Variants in CTTNBP2 observed in about 807,000 individuals in gnomAD.
CTTNBP2 encodes cortactin-binding protein 2.
CTTNBP2 carries 108 observed loss-of-function variants against 156.9 expected under a neutral mutation model. The observed-to-expected ratio is 0.69, with a 90% confidence interval of 0.59 to 0.81. The LOEUF (loss-of-function observed/expected upper bound fraction) is 0.81. Among genes scored for constraint, CTTNBP2 ranks in the 30% least tolerant of loss-of-function variants. The probability of loss-of-function intolerance (pLI) is 0.00; values close to 1 mark genes in which losing one functional copy is unlikely to be tolerated. For missense variants in CTTNBP2, 1,924 were observed against 2,035.4 expected, an observed-to-expected ratio of 0.95 and a Z score of 1.05; for synonymous variants, 767 against 751.8, an observed-to-expected ratio of 1.02 and a Z score of -0.33.
chr7:117,736,488 C>T (rs904929411), intron 14 of CTTNBP2, among the ~76,000 whole-genome samples: 2 of 151,996 alleles, frequency 1.3e-5, no homozygotes, highest in African/African-American at 2.4e-5. Context: ...GTAAATCGCT[C>T]TTTCCATTTT....
intron 20 of CTTNBP2, among the ~76,000 whole-genome samples, chr7:117,720,861 T>C (rs1011955350): frequency 2.0e-5 from 3 of 152,240 alleles, no homozygotes; most frequent in African/African-American, 7.2e-5. Flanking sequence ...TTGCATTATA[T>C]TAATCTTAAC....
In CTTNBP2 at chr7:117,782,869, G is replaced by A. The variant is rs779126096; in HGVS notation, c.2365C>T (p.His789Tyr). The A allele has an allele frequency of 6.2e-7, 1 of 1,611,944 alleles. No individual in the cohort carries two copies. Among genetic ancestry groups the A allele is most frequent in the South Asian group, 1.1e-5 (1 of 90,914 alleles). The change falls in exon 6 of 23, where the codon CAT becomes TAT. Residue 789 changes from histidine to tyrosine, a missense_variant. His to Tyr is a moderately conservative substitution (Grantham distance 83). Coordinates refer to ENST00000160373, the MANE Select transcript of CTTNBP2 (RefSeq NM_033427.3). ...TPLCAAAAQG[H>Y]FECVELLISY... ...GAATTAAGAGCAACTTACTCGAAAT[G>A]TCCCTGAGCAGCTGCAGCACACAAG...
At chr7:117,849,683 T>G (rs1266636964) in intron 2 of CTTNBP2, among the ~76,000 whole-genome samples, 1 of 151,974 alleles carries the variant, frequency 6.6e-6, no homozygotes, top group Admixed American at 6.6e-5. Context: ...AGAACACACT[T>G]CTCATTGTTC....
At chr7:117,833,981 A>C (rs1206925380) in intron 2 of CTTNBP2, among the ~76,000 whole-genome samples, 2 of 152,226 alleles carry the variant, frequency 1.3e-5, no homozygotes, top group Non-Finnish European at 1.5e-5. Context: ...ATATATACAT[A>C]GACAGACAAC....
chr7:117,871,232 C>T (rs558776433), intron 1 of CTTNBP2, among the ~76,000 whole-genome samples: 1 of 151,690 alleles, frequency 6.6e-6, no homozygotes, highest in East Asian at 1.9e-4. Context: ...CTCCTCTACA[C>T]TAGCTTTCCT....
At chr7:117,818,537 G>A (rs893576571) in intron 2 of CTTNBP2, among the ~76,000 whole-genome samples, 4 of 152,154 alleles carry the variant, frequency 2.6e-5, no homozygotes, top group African/African-American at 9.7e-5. Flanking sequence ...CAATTAACAA[G>A]ATATTGAACC....
intron 2 of CTTNBP2, among the ~76,000 whole-genome samples, chr7:117,858,407 C>T (rs10245031): frequency 0.75 from 113,821 of 152,090 alleles, 43,763 homozygotes; most frequent in African/African-American, 0.93. Flanking sequence ...AAACAAAGAG[C>T]CTCCATATAC....
At position 117,873,384 on chromosome 7, in the gene CTTNBP2, T is replaced by G; in HGVS notation, c.32A>C (p.Asp11Ala). ...CGCGTCCTCCGGGGCCCGGGACAAG[T>G]CGGGCTCGCAGCTCGCGCCGTCCGT... is the stretch of plus-strand genomic sequence containing the variant. MATDGASCEP[D>A]LSRAPEDAAG... is the part of the protein sequence containing the mutation. The change falls in exon 1 of 23, where the codon GAC (aspartate) becomes GCC (alanine). Residue 11 changes from aspartate (D) to alanine (A), a missense_variant. Transcript: ENST00000160373. 1.3e-6 allele frequency: 2 copies of G among 1,488,590 alleles called. No homozygotes were observed. The highest frequency in any genetic ancestry group is 1.8e-6 in the Non-Finnish European group (2 of 1,126,156). The allele number at this position is 1,488,590 out of a possible 1,614,324, so 92.2% of individuals were successfully genotyped here.
At chr7:117,845,780 C>T (rs567376668) in intron 2 of CTTNBP2, among the ~76,000 whole-genome samples, 2 of 152,164 alleles carry the variant, frequency 1.3e-5, no homozygotes, top group African/African-American at 2.4e-5. Flanking sequence ...GATGGTGTAA[C>T]GAATGTGATC....
At position 117,721,055 on chromosome 7, in the gene CTTNBP2, A is replaced by T; in HGVS notation, c.4511+12T>A. On this transcript the variant is annotated intron_variant, in intron 20 of 22. Coordinates refer to ENST00000160373, the MANE Select transcript of CTTNBP2 (RefSeq NM_033427.3). ...TTGTTTGCTGTGAGTTAAATTTGAA[A>T]GGGGAACTTACTTTTGTTTTGACAG... 6.4e-7 allele frequency: 1 copy of T among 1,553,672 alleles called. No homozygotes were observed. The highest frequency in any genetic ancestry group is 8.9e-7 in the Non-Finnish European group (1 of 1,125,346).
chr7:117,840,784 T>C (rs1184959484), intron 2 of CTTNBP2, among the ~76,000 whole-genome samples: 1 of 152,096 alleles, frequency 6.6e-6, no homozygotes, highest in Non-Finnish European at 1.5e-5. Flanking sequence ...AAACTTCAAG[T>C]AGAGAGACTG....
intron 2 of CTTNBP2, among the ~76,000 whole-genome samples, chr7:117,832,598 T>A (rs1420316219): frequency 6.6e-6 from 1 of 152,124 alleles, no homozygotes; most frequent in East Asian, 1.9e-4. Context: ...GTATTAACTA[T>A]ATTTTTGTTT....
At chr7:117,836,182 C>T (rs762333723) in intron 2 of CTTNBP2, among the ~76,000 whole-genome samples, 83 of 152,316 alleles carry the variant, frequency 5.4e-4, no homozygotes, top group Non-Finnish European at 1.1e-3. Flanking sequence ...GTTTGAAGCA[C>T]AAGCCCATTC....
intron 3 of CTTNBP2, among the ~76,000 whole-genome samples, chr7:117,810,041 TCAC>T (rs1455883768): frequency 2.6e-5 from 4 of 152,174 alleles, no homozygotes; most frequent in East Asian, 1.9e-4. Context: ...TTCCTTATTA[TCAC>T]CACAAGTTTT....
At chr7:117,806,579 TTTTCC>T (rs1369885938) in intron 3 of CTTNBP2, among the ~76,000 whole-genome samples, 2 of 152,098 alleles carry the variant, frequency 1.3e-5, no homozygotes, top group African/African-American at 2.4e-5. Context: ...CTTTTCATTT[TTTTCC>T]TTTCATTTTT....
chr7:117,756,663 G>C (rs750890058), intron 11 of CTTNBP2, 29 bp from the exon 12 acceptor site: 6 of 1,384,854 alleles, frequency 4.3e-6, no homozygotes, highest in Admixed American at 1.7e-5. Flanking sequence ...GAAGAAAAAT[G>C]GGTGTTCCCT....
chr7:117,735,024 C>T lies in CTTNBP2; in HGVS notation c.3765G>A (p.Gln1255=), dbSNP rs1430628250. 1 of 1,614,218 alleles carries T rather than the reference C, an allele frequency of 6.2e-7. No homozygotes were observed. Among genetic ancestry groups the T allele is most frequent in the Non-Finnish European group, 8.5e-7 (1 of 1,180,022 alleles). The change falls in exon 16 of 23, where the codon CAG becomes CAA. Residue 1255 remains glutamine (Q), a synonymous_variant. Transcript: ENST00000160373. ...GCTGCTGCACCAGCAAGTCGGAGCC[C>T]TGGAGACAGGCCTTGGCGATGGTTC... The part of the protein sequence containing the change: ...LMGTIAKACL[Q]GSDLLVQQHF...
At chr7:117,869,038 CT>C (rs1393823389) in intron 1 of CTTNBP2, among the ~76,000 whole-genome samples, 1 of 152,098 alleles carries the variant, frequency 6.6e-6, no homozygotes, top group Non-Finnish European at 1.5e-5. Flanking sequence ...GGCCTTGACT[CT>C]TATTATTGGA....
At chr7:117,854,142 C>A (rs1421123686) in intron 2 of CTTNBP2, among the ~76,000 whole-genome samples, 1 of 152,176 alleles carries the variant, frequency 6.6e-6, no homozygotes, top group Non-Finnish European at 1.5e-5. Context: ...TTCTTCCTTT[C>A]TCTAGCATGG....
Sources: gnomAD v4.1 joint callset for allele counts (sites outside exome capture counted in the v4.1 genomes callset) on GRCh38, gnomAD v4.1.1 for gene constraint, MANE v1.5 for transcripts, NCBI Gene and HGNC (gene_info 2026-07-23, HGNC 2026-07-21) for gene names.